The following EPHB1 variants were observed in gnomAD, a reference collection of about 807,000 sequenced individuals.
EPHB1 encodes the protein EPH receptor B1.
Under a neutral mutation model 94.4 loss-of-function variants are expected in EPHB1, and 30 were observed. The observed-to-expected ratio is 0.32, with a 90% CI of 0.24 to 0.43. EPHB1 has a LOEUF of 0.43. Among genes scored for constraint, EPHB1 ranks in the 20% least tolerant of loss-of-function variants. EPHB1 has a pLI of 1.00. For synonymous variants in EPHB1, 522 were observed against 489.1 expected, an observed-to-expected ratio of 1.07 and a Z score of -0.89; for missense variants, 1,055 against 1,308.3, an observed-to-expected ratio of 0.81 and a Z score of 2.99.
chr3:134,968,331 G>C (rs1314247684), intron 3 of EPHB1, among the ~76,000 whole-genome samples: 1 of 152,032 alleles, frequency 6.6e-6, no homozygotes, highest in African/African-American at 2.4e-5. Context: ...TCTATCTTTG[G>C]GTGAACCATA....
Position 135,241,177 on chromosome 3 carries a change from T to A in EPHB1, c.2376T>A (p.Ala792=). The change falls in exon 13 of 16, where the codon GCT becomes GCA. Residue 792 remains alanine (A), a synonymous_variant. Transcript: ENST00000398015. Reference sequence around the variant, plus strand: ...GGAAGATCCCTGTGAGATGGACAGCTCCAGAGGCCATCGCCTACCGCAAGT... The same window carrying A: ...GGAAGATCCCTGTGAGATGGACAGCACCAGAGGCCATCGCCTACCGCAAGT... ...LGGKIPVRWT[A]PEAIAYRKFT... The A allele has an allele frequency of 6.2e-7, 1 of 1,614,198 alleles. No homozygotes were observed. The highest frequency in any genetic ancestry group is 8.5e-7 in the Non-Finnish European group (1 of 1,180,042).
At chr3:134,943,404 G>C (rs2039157668) in intron 2 of EPHB1, among the ~76,000 whole-genome samples, 1 of 152,200 alleles carries the variant, frequency 6.6e-6, no homozygotes, top group Non-Finnish European at 1.5e-5. Context: ...ATTCCGACCA[G>C]GGCATGAGGT....
At chr3:135,242,403 T>C (rs1180698721) in intron 13 of EPHB1, among the ~76,000 whole-genome samples, 2 of 152,132 alleles carry the variant, frequency 1.3e-5, no homozygotes, top group South Asian at 2.1e-4. Context: ...ACTTGTCAGC[T>C]ATGGAGTCAG....
intron 12 of EPHB1, among the ~76,000 whole-genome samples, chr3:135,233,208 G>A (rs967488441): frequency 3.3e-5 from 5 of 152,160 alleles, no homozygotes; most frequent in African/African-American, 9.7e-5. Context: ...TTCCACCTAT[G>A]AGCCTGTAAA....
intron 1 of EPHB1, among the ~76,000 whole-genome samples, chr3:134,879,397 G>A (rs988646716): frequency 1.3e-5 from 2 of 152,186 alleles, no homozygotes; most frequent in Non-Finnish European, 2.9e-5. Flanking sequence ...AGCATTTTGG[G>A]AGGCCGAGGT....
At chr3:135,203,782 C>A (rs1195247671) in intron 12 of EPHB1, among the ~76,000 whole-genome samples, 1 of 152,028 alleles carries the variant, frequency 6.6e-6, no homozygotes, top group East Asian at 1.9e-4. Context: ...TATGCCTATT[C>A]CTCTGTGATC....
chr3:135,150,304 C>T (rs1412706080), intron 5 of EPHB1, among the ~76,000 whole-genome samples: 1 of 152,222 alleles, frequency 6.6e-6, no homozygotes, highest in South Asian at 2.1e-4. Context: ...AGAGTCACAG[C>T]GTGCAGTGGA....
At chr3:135,248,276 C>A (rs376569205) in intron 13 of EPHB1, 40 bp from the exon 14 acceptor site, 2 of 1,485,928 alleles carry the variant, frequency 1.3e-6, no homozygotes, top group Non-Finnish European at 1.8e-6. Flanking sequence ...TGGCTGGTGG[C>A]AGTCACTCAA....
chr3:135,177,656 T>C (rs1349782441), intron 9 of EPHB1, among the ~76,000 whole-genome samples: 2 of 152,180 alleles, frequency 1.3e-5, no homozygotes, highest in Non-Finnish European at 2.9e-5. Flanking sequence ...CCTATCTTAC[T>C]TCCCTTCTCA....
intron 9 of EPHB1, among the ~76,000 whole-genome samples, chr3:135,168,084 G>A (rs1941700317): frequency 6.6e-6 from 1 of 152,236 alleles, no homozygotes; most frequent in Non-Finnish European, 1.5e-5. Flanking sequence ...CCATGAAGGA[G>A]CTTGTGTTCT....
At chr3:135,256,297 C>G (rs927218616) in intron 15 of EPHB1, among the ~76,000 whole-genome samples, 1 of 152,104 alleles carries the variant, frequency 6.6e-6, no homozygotes, top group Non-Finnish European at 1.5e-5. Context: ...TTAGTTGATG[C>G]AGTTTCTTCC....
intron 1 of EPHB1, among the ~76,000 whole-genome samples, chr3:134,798,690 C>T (rs543957639): frequency 3.9e-5 from 6 of 152,314 alleles, no homozygotes; most frequent in East Asian, 3.9e-4. Context: ...TCAAGCCCAC[C>T]GGTGCCTTTT....
At chr3:135,080,553 G>A (rs2107786710) in intron 3 of EPHB1, among the ~76,000 whole-genome samples, 1 of 152,244 alleles carries the variant, frequency 6.6e-6, no homozygotes, top group South Asian at 2.1e-4. Context: ...AGTCTGAGGA[G>A]AGAGTGGTCC....
chr3:135,000,284 T>C (rs965827610), intron 3 of EPHB1, among the ~76,000 whole-genome samples: 4 of 152,250 alleles, frequency 2.6e-5, no homozygotes, highest in Non-Finnish European at 5.9e-5. Context: ...GACAGACTTC[T>C]GTGTGTCAGG....
chr3:134,929,741 C>T (rs1398124575), intron 2 of EPHB1, among the ~76,000 whole-genome samples: 1 of 152,172 alleles, frequency 6.6e-6, no homozygotes, highest in Non-Finnish European at 1.5e-5. Context: ...AGATTTAAGA[C>T]ACACAGAGGT....
At chr3:134,866,834 G>A (rs148793401) in intron 1 of EPHB1, among the ~76,000 whole-genome samples, 43 of 152,290 alleles carry the variant, frequency 2.8e-4, no homozygotes, top group East Asian at 9.6e-4. Flanking sequence ...GCCTAGCCCC[G>A]TTCCTTCCTC....
At chr3:134,943,439 A>G (rs1449375908) in intron 2 of EPHB1, among the ~76,000 whole-genome samples, 1 of 152,234 alleles carries the variant, frequency 6.6e-6, no homozygotes, top group African/African-American at 2.4e-5. Context: ...TGCACTGGTC[A>G]TAGGAATGCA....
chr3:135,208,988 T>A (rs1460860905), intron 12 of EPHB1, among the ~76,000 whole-genome samples: 1 of 152,042 alleles, frequency 6.6e-6, no homozygotes, highest in Non-Finnish European at 1.5e-5. Context: ...CAAAGAATAA[T>A]GGGAACATAC....
intron 9 of EPHB1, among the ~76,000 whole-genome samples, chr3:135,176,541 C>G (rs780623237): frequency 1.3e-5 from 2 of 152,220 alleles, no homozygotes; most frequent in Non-Finnish European, 2.9e-5. Context: ...CACACACACA[C>G]ATACTTCTTA....
Sources: allele counts gnomAD v4.1 joint callset (sites outside exome capture counted in the v4.1 genomes callset), GRCh38; gene constraint gnomAD v4.1.1; transcripts MANE v1.5; gene names NCBI Gene and HGNC (gene_info 2026-07-23, HGNC 2026-07-21).